Variants in RBFOX1 observed in about 807,000 individuals in gnomAD.
RBFOX1 encodes the protein RNA binding fox-1 homolog 1.
RBFOX1 carries 8 observed loss-of-function variants against 57.7 expected under a neutral mutation model. The ratio of observed to expected loss-of-function variants is 0.14; its 90% CI spans 0.08 to 0.25. The LOEUF (loss-of-function observed/expected upper bound fraction) is 0.25, where lower values mean the gene tolerates loss of function less well. Among genes scored for constraint, RBFOX1 ranks in the 10% least tolerant of loss-of-function variants. The pLI is 1.00. For missense variants in RBFOX1, 611 were observed against 548.5 expected, an observed-to-expected ratio of 1.11 and a Z score of -1.14; for synonymous variants, 326 against 222.4, an observed-to-expected ratio of 1.47 and a Z score of -4.15.
At chr16:6,662,438 A>T (rs539367262) in intron 3 of RBFOX1, among the ~76,000 whole-genome samples, 1 of 152,254 alleles carries the variant, frequency 6.6e-6, no homozygotes, top group East Asian at 1.9e-4. Context: ...AGTTAGGGAG[A>T]AAAAGAGAGA....
intron 4 of RBFOX1, among the ~76,000 whole-genome samples, chr16:7,126,037 C>G (rs893781572): frequency 2.6e-5 from 4 of 152,094 alleles, no homozygotes; most frequent in African/African-American, 9.7e-5. Context: ...GAGCTGAGAT[C>G]GCACCATTGC....
rs1371097792 is a variant in RBFOX1, at chr16:6,575,033, G to A, written c.-63-79570G>A. On this transcript the variant is annotated intron_variant, in intron 2 of 15. Coordinates refer to ENST00000550418, the MANE Select transcript of RBFOX1 (RefSeq NM_018723.4). ...AGCTTGGGGGACAGAGCGAGACTCC[G>A]TCTCAATTAAAAAAAAAAAAAAAAA... is the stretch of plus-strand genomic sequence containing the variant. Among the ~76,000 whole-genome samples, 12 of 80,222 alleles carry A rather than the reference G, an allele frequency of 1.5e-4. No homozygotes were observed. In the East Asian group the frequency reaches 4.2e-3, roughly 28 times the overall value. 52.6% of individuals were successfully genotyped at this position (80,222 alleles called of 152,430 possible).
intron 4 of RBFOX1, among the ~76,000 whole-genome samples, chr16:6,002,825 A>C (rs1019405814): frequency 7.2e-5 from 11 of 152,222 alleles, no homozygotes; most frequent in African/African-American, 2.2e-4. Context: ...AAGTGGGAAG[A>C]GCGTGGTTTG....
intron 2 of RBFOX1, among the ~76,000 whole-genome samples, chr16:6,322,497 C>T (rs771482322): frequency 1.3e-5 from 2 of 151,936 alleles, no homozygotes; most frequent in Non-Finnish European, 2.9e-5. Flanking sequence ...TCTGTTAAGC[C>T]CTCCTGATAA....
At chr16:6,905,524 G>A (rs563983540) in intron 3 of RBFOX1, among the ~76,000 whole-genome samples, 1 of 149,672 alleles carries the variant, frequency 6.7e-6, no homozygotes, top group Non-Finnish European at 1.5e-5. Flanking sequence ...CTGCACTCTA[G>A]CCTAGGGGAC....
chr16:5,794,577 G>A (rs932431374), intron 3 of RBFOX1, among the ~76,000 whole-genome samples: 1 of 152,052 alleles, frequency 6.6e-6, no homozygotes, highest in Non-Finnish European at 1.5e-5. Flanking sequence ...TATAGCTGTC[G>A]GGCAGGTCAG....
chr16:6,514,199 C>G (rs535557248), intron 2 of RBFOX1, among the ~76,000 whole-genome samples: 92 of 152,238 alleles, frequency 6.0e-4, no homozygotes, highest in African/African-American at 2.0e-3. Context: ...ATCTCCCATC[C>G]TTTGGGGATG....
intron 4 of RBFOX1, among the ~76,000 whole-genome samples, chr16:7,210,534 A>G (rs2090925133): frequency 6.6e-6 from 1 of 152,192 alleles, no homozygotes; most frequent in South Asian, 2.1e-4. Context: ...TACCTAAATT[A>G]ACATTTTATG....
intron 7 of RBFOX1, among the ~76,000 whole-genome samples, chr16:7,592,956 T>C (rs1037322218): frequency 1.3e-5 from 2 of 149,954 alleles, no homozygotes; most frequent in African/African-American, 4.9e-5. Context: ...GCAGAGACAA[T>C]AGGTACAGGC....
chr16:7,031,600 A>G (rs1401954015), intron 3 of RBFOX1, among the ~76,000 whole-genome samples: 2 of 110,412 alleles, frequency 1.8e-5, no homozygotes, highest in Non-Finnish European at 3.2e-5. Flanking sequence ...GACCCTGCCT[A>G]AAAAAAAAAG....
intron 4 of RBFOX1, among the ~76,000 whole-genome samples, chr16:7,233,779 C>G (rs554182690): frequency 1.3e-5 from 2 of 152,166 alleles, no homozygotes; most frequent in Non-Finnish European, 2.9e-5. Context: ...TGGCAGTTTT[C>G]TCTTCAAATT....
At chr16:5,814,676 C>A (rs1193366193) in intron 3 of RBFOX1, among the ~76,000 whole-genome samples, 3 of 152,188 alleles carry the variant, frequency 2.0e-5, no homozygotes, top group African/African-American at 7.2e-5. Context: ...CGCCTGTAAT[C>A]CCAGCACTTT....
chr16:7,569,301 C>G (rs2092511391), intron 5 of RBFOX1, among the ~76,000 whole-genome samples: 1 of 152,294 alleles, frequency 6.6e-6, no homozygotes. Flanking sequence ...AGGATTGTAG[C>G]TGGCAGGATG....
At chr16:7,106,148 C>G (rs1038558406) in intron 4 of RBFOX1, among the ~76,000 whole-genome samples, 2 of 152,154 alleles carry the variant, frequency 1.3e-5, no homozygotes, top group Admixed American at 6.6e-5. Flanking sequence ...GCATCATGAC[C>G]TGTGAAGACA....
chr16:7,636,829 CAGAGACAGAG>C (rs1365642919), intron 11 of RBFOX1, among the ~76,000 whole-genome samples: 1 of 136,490 alleles, frequency 7.3e-6, no homozygotes, highest in Non-Finnish European at 1.6e-5. Flanking sequence ...AAGAGAGAGA[CAGAGACAGAG>C]AGAAACAGAG....
intron 2 of RBFOX1, among the ~76,000 whole-genome samples, chr16:5,594,062 T>C (rs747279028): frequency 6.6e-6 from 1 of 152,014 alleles, no homozygotes; most frequent in South Asian, 2.1e-4. Context: ...CTTTGCACAA[T>C]GTTGGTCCAC....
At chr16:5,282,238 C>G (rs141890136) in intron 1 of RBFOX1, among the ~76,000 whole-genome samples, 3 of 152,204 alleles carry the variant, frequency 2.0e-5, no homozygotes, top group Non-Finnish European at 1.5e-5. Context: ...GATTTTGTAG[C>G]CTCCCCAGCA....
At chr16:7,225,719 A>G (rs1015675456) in intron 4 of RBFOX1, among the ~76,000 whole-genome samples, 7 of 125,600 alleles carry the variant, frequency 5.6e-5, no homozygotes, top group African/African-American at 2.2e-4. Context: ...AAAGTAGAAT[A>G]TATTGTACTT....
intron 3 of RBFOX1, among the ~76,000 whole-genome samples, chr16:7,036,795 G>C (rs1257710574): frequency 1.3e-5 from 2 of 152,064 alleles, no homozygotes; most frequent in Non-Finnish European, 2.9e-5. Context: ...AGTTTATTAA[G>C]AAAGTAGGGG....
Sources: allele counts gnomAD v4.1 joint callset (sites outside exome capture counted in the v4.1 genomes callset), GRCh38; gene constraint gnomAD v4.1.1; transcripts MANE v1.5; gene names NCBI Gene and HGNC (gene_info 2026-07-23, HGNC 2026-07-21).